Variants in CACNB2 observed in about 807,000 individuals in gnomAD.
The protein encoded by CACNB2 is voltage-dependent L-type calcium channel subunit beta-2.
A neutral mutation model predicts 73.3 loss-of-function variants in CACNB2; 42 were observed. The observed-to-expected ratio is 0.57, with a 90% confidence interval of 0.45 to 0.74. The LOEUF (loss-of-function observed/expected upper bound fraction) is 0.74, where lower values mean the gene tolerates loss of function less well. Among genes scored for constraint, CACNB2 ranks in the 30% least tolerant of loss-of-function variants. The pLI is 0.00. For synonymous variants in CACNB2, 348 were observed against 310.3 expected, an observed-to-expected ratio of 1.12 and a Z score of -1.28; for missense variants, 940 against 853.0, an observed-to-expected ratio of 1.10 and a Z score of -1.27.
chr10:18,426,177 G>T (rs1451072101), intron 3 of CACNB2, among the ~76,000 whole-genome samples: 1 of 152,166 alleles, frequency 6.6e-6, no homozygotes, highest in Non-Finnish European at 1.5e-5. Context: ...GTTTGGGGTT[G>T]CATTTAAGTC....
chr10:18,152,231 C>T (rs915590908), intron 2 of CACNB2, among the ~76,000 whole-genome samples: 1 of 152,106 alleles, frequency 6.6e-6, no homozygotes, highest in Non-Finnish European at 1.5e-5. Flanking sequence ...TCCCCGCTTG[C>T]AACATTTGAG....
intron 3 of CACNB2, among the ~76,000 whole-genome samples, chr10:18,486,218 A>G (rs1382567213): frequency 2.0e-5 from 3 of 152,150 alleles, no homozygotes; most frequent in Non-Finnish European, 2.9e-5. Flanking sequence ...TATTCATTCT[A>G]TCACTGGCAC....
intron 3 of CACNB2, among the ~76,000 whole-genome samples, chr10:18,408,223 A>C (rs1433738226): frequency 2.2e-5 from 3 of 139,494 alleles, no homozygotes; most frequent in Admixed American, 1.5e-4. Flanking sequence ...AACATTCACT[A>C]TCCCTGACTT....
chr10:18,290,265 G>T (rs1204111200), intron 2 of CACNB2, among the ~76,000 whole-genome samples: 1 of 151,612 alleles, frequency 6.6e-6, no homozygotes, highest in Admixed American at 6.6e-5. Flanking sequence ...GACCTCAGGT[G>T]ATCCGCCCAC....
Position 18,140,644 on chromosome 10 carries a change from C to G in CACNB2, c.-93C>G. ...GCCGGGCCTGAGCCCTGGGCGGCCCCCAGAGCCGATCAGAGCGCGGGGAGG... is the reference window on the plus strand; with the variant it reads ...GCCGGGCCTGAGCCCTGGGCGGCCCGCAGAGCCGATCAGAGCGCGGGGAGG... On this transcript the variant is annotated 5_prime_UTR_variant, in exon 1 of 14. Coordinates refer to ENST00000324631, the MANE Select transcript of CACNB2 (RefSeq NM_201596.3). 16 of 1,184,152 alleles carry G rather than the reference C, an allele frequency of 1.4e-5. No homozygotes were observed. The South Asian group carries it at 2.2e-4, about 16-fold the overall frequency. 73.4% of individuals were successfully genotyped at this position (1,184,152 alleles called of 1,614,324 possible). A position where few individuals can be genotyped will look rare whatever the true frequency, so the allele number is the denominator to read the frequency against.
Position 18,541,383 on chromosome 10 carries a change from G to GT in CACNB2, c.*1659_*1660insT, listed in dbSNP as rs1380548920. 6.6e-6 allele frequency: 1 copy of GT among 152,554 alleles called. No homozygotes were observed. Among genetic ancestry groups the GT allele is most frequent in the Non-Finnish European group, 1.5e-5 (1 of 68,046 alleles). 9.5% of individuals were successfully genotyped at this position (152,554 alleles called of 1,614,324 possible). A position where few individuals can be genotyped will look rare whatever the true frequency, so the allele number is the denominator to read the frequency against. ...CCATGCCTCAATTACACTGCTGTAA[G>GT]AAGCTTACAATGTCATCATGTTTAA... is the stretch of plus-strand genomic sequence containing the variant. On this transcript the variant is annotated 3_prime_UTR_variant, in exon 14 of 14. Coordinates refer to ENST00000324631, the MANE Select transcript of CACNB2 (RefSeq NM_201596.3).
At chr10:18,166,767 A>G (rs1285225646) in intron 2 of CACNB2, among the ~76,000 whole-genome samples, 1 of 152,044 alleles carries the variant, frequency 6.6e-6, no homozygotes, top group African/African-American at 2.4e-5. Context: ...GCGGGGAGGG[A>G]TAGCATTAGG....
chr10:18,331,256 T>C (rs2040795619), intron 2 of CACNB2, among the ~76,000 whole-genome samples: 2 of 151,974 alleles, frequency 1.3e-5, no homozygotes, highest in African/African-American at 4.8e-5. Flanking sequence ...AGTGCTGGAA[T>C]TACAGGCATG....
At chr10:18,530,143 G>A (rs1213963260) in intron 10 of CACNB2, among the ~76,000 whole-genome samples, 2 of 152,080 alleles carry the variant, frequency 1.3e-5, no homozygotes, top group African/African-American at 4.8e-5. Flanking sequence ...TGTGACACAT[G>A]GGAATTATGG....
At chr10:18,424,048 A>T (rs2045469665) in intron 3 of CACNB2, among the ~76,000 whole-genome samples, 1 of 152,114 alleles carries the variant, frequency 6.6e-6, no homozygotes, top group Non-Finnish European at 1.5e-5. Flanking sequence ...AAAGAAAAAA[A>T]ACTCATGTAC....
intron 3 of CACNB2, among the ~76,000 whole-genome samples, chr10:18,444,663 A>G (rs1056533989): frequency 6.6e-6 from 1 of 152,190 alleles, no homozygotes; most frequent in African/African-American, 2.4e-5. Flanking sequence ...GAGTGAGTTC[A>G]CTTAATCCGC....
At chr10:18,155,584 C>G (rs970600301) in intron 2 of CACNB2, among the ~76,000 whole-genome samples, 1 of 152,114 alleles carries the variant, frequency 6.6e-6, no homozygotes, top group African/African-American at 2.4e-5. Flanking sequence ...GAGTGGAATG[C>G]TAGGTAATAT....
chr10:18,416,477 C>T (rs1271241126), intron 3 of CACNB2, among the ~76,000 whole-genome samples: 3 of 152,144 alleles, frequency 2.0e-5, no homozygotes, highest in Non-Finnish European at 2.9e-5. Context: ...AGTGCATTGG[C>T]ACGATCTCAG....
intron 2 of CACNB2, among the ~76,000 whole-genome samples, chr10:18,352,816 G>T (rs1429398589): frequency 1.3e-5 from 2 of 152,162 alleles, no homozygotes; most frequent in Non-Finnish European, 2.9e-5. Flanking sequence ...ATTTTCTCAT[G>T]TTCTGGGCAA....
intron 3 of CACNB2, among the ~76,000 whole-genome samples, chr10:18,461,577 A>G (rs770297427): frequency 6.6e-6 from 1 of 151,514 alleles, no homozygotes; most frequent in Non-Finnish European, 1.5e-5. Flanking sequence ...GGGGTGGGAG[A>G]TGGTTTTGGG....
At chr10:18,184,977 C>T (rs1399031765) in intron 2 of CACNB2, among the ~76,000 whole-genome samples, 2 of 152,040 alleles carry the variant, frequency 1.3e-5, no homozygotes, top group Non-Finnish European at 2.9e-5. Flanking sequence ...GTAGCTGGGA[C>T]TACAGGCATG....
At chr10:18,535,955 A>G in intron 11 of CACNB2, 146 bp from the exon 12 acceptor site, 1 of 608,974 alleles carries the variant, frequency 1.6e-6, no homozygotes, top group Non-Finnish European at 2.9e-6. Flanking sequence ...TTAACATGTT[A>G]ATTTTGCAGA....
At chr10:18,157,973 C>T (rs1242583741) in intron 2 of CACNB2, among the ~76,000 whole-genome samples, 1 of 151,994 alleles carries the variant, frequency 6.6e-6, no homozygotes, top group East Asian at 1.9e-4. Context: ...CCTCAGATTC[C>T]TAGTTTGTGA....
At chr10:18,521,956 GGT>G (rs1564648079) in intron 9 of CACNB2, among the ~76,000 whole-genome samples, 2 of 152,272 alleles carry the variant, frequency 1.3e-5, no homozygotes, top group African/African-American at 4.8e-5. Flanking sequence ...CACAGCAGAC[GGT>G]GAGTGGCAGG....
Sources: gnomAD v4.1 joint callset for allele counts (sites outside exome capture counted in the v4.1 genomes callset) on GRCh38, gnomAD v4.1.1 for gene constraint, MANE v1.5 for transcripts, NCBI Gene and HGNC (gene_info 2026-07-23, HGNC 2026-07-21) for gene names.